Variants in SUGCT observed in about 807,000 individuals in gnomAD.
SUGCT encodes the protein succinyl-CoA:glutarate CoA-transferase.
In SUGCT, 41 loss-of-function variants were observed where a neutral mutation model predicts 55.0. That is an observed-to-expected ratio of 0.74 (90% CI 0.58 to 0.97). The LOEUF is 0.97. Among genes scored for constraint, SUGCT ranks in the 50% least tolerant of loss-of-function variants. The pLI is 0.00. For synonymous variants in SUGCT, 187 were observed against 200.4 expected (o/e 0.93, Z 0.56); for missense variants, 568 against 547.8 (o/e 1.04, Z -0.37).
chr7:40,881,547 A>C, the SUGCT span, among the ~76,000 whole-genome samples: 1 of 152,148 alleles, frequency 6.6e-6, no homozygotes, highest in Non-Finnish European at 1.5e-5. Flanking sequence ...TGCTCCTTTT[A>C]TTGTTTTGGC....
the SUGCT span, among the ~76,000 whole-genome samples, chr7:41,027,483 C>T: frequency 2.4e-3 from 369 of 152,272 alleles, no homozygotes; most frequent in African/African-American, 8.7e-3. Context: ...GGGGAATTTC[C>T]CTTTCAAAAG....
At chr7:40,617,768 T>G (rs1799078960) in intron 12 of SUGCT, among the ~76,000 whole-genome samples, 1 of 152,136 alleles carries the variant, frequency 6.6e-6, no homozygotes, top group Non-Finnish European at 1.5e-5. Flanking sequence ...TGACTATAAT[T>G]TTTTCTCAAA....
At chr7:40,442,415 A>T (rs1488718836) in intron 9 of SUGCT, among the ~76,000 whole-genome samples, 1 of 152,180 alleles carries the variant, frequency 6.6e-6, no homozygotes, top group Non-Finnish European at 1.5e-5. Flanking sequence ...AAAAACACAT[A>T]CAAAGAAACT....
chr7:40,624,669 G>T (rs1164466142), intron 12 of SUGCT, among the ~76,000 whole-genome samples: 1 of 151,912 alleles, frequency 6.6e-6, no homozygotes, highest in African/African-American at 2.4e-5. Flanking sequence ...CTCCTATCAC[G>T]AGTAGAACTG....
chr7:40,679,667 A>C (rs1784154705), intron 12 of SUGCT, among the ~76,000 whole-genome samples: 1 of 152,206 alleles, frequency 6.6e-6, no homozygotes, highest in Admixed American at 6.5e-5. Context: ...TTGATAAAAT[A>C]GTGATATTCC....
chr7:40,321,062 T>TTTTC (rs1554310401), intron 9 of SUGCT, among the ~76,000 whole-genome samples: 6 of 148,082 alleles, frequency 4.1e-5, no homozygotes, highest in East Asian at 1.9e-4. Flanking sequence ...TTCTTTTCTT[T>TTTTC]TTTCTTTCTT....
intron 12 of SUGCT, among the ~76,000 whole-genome samples, chr7:40,704,529 G>T (rs1438491900): frequency 6.6e-6 from 1 of 152,072 alleles, no homozygotes; most frequent in Non-Finnish European, 1.5e-5. Flanking sequence ...AGCATAACAT[G>T]GATTATCAGC....
intron 13 of SUGCT, among the ~76,000 whole-genome samples, chr7:40,812,476 T>C (rs1791473806): frequency 6.6e-6 from 1 of 152,138 alleles, no homozygotes; most frequent in Non-Finnish European, 1.5e-5. Flanking sequence ...CAGAAATTTA[T>C]TCATTTTCTC....
chr7:40,459,198 G>T lies in SUGCT; in HGVS notation c.986G>T (p.Arg329Leu). The T allele has an allele frequency of 1.3e-6, 2 of 1,567,382 alleles. No homozygotes were observed. Reference protein sequence around the residue: ...RKELIKILSERFEEELTSKWL... With the variant: ...RKELIKILSELFEEELTSKWL... ...GAGCTTATTAAAATATTATCTGAAC[G>T]GTAAGTTTGGATGTTGTATTCATCC... The change falls in exon 11 of 14, where the codon CGG (arginine) becomes CTG (leucine). Residue 329 changes from arginine to leucine, a missense_variant and splice_region_variant. Physicochemically the swap from Arg to Leu is moderately radical, Grantham distance 102 (BLOSUM62 -2). Transcript: ENST00000335693.
intron 6 of SUGCT, among the ~76,000 whole-genome samples, chr7:40,216,077 A>G (rs555918574): frequency 1.3e-5 from 2 of 151,212 alleles, no homozygotes; most frequent in African/African-American, 2.4e-5. Context: ...ATGAAATGCA[A>G]TTTACTTACA....
intron 13 of SUGCT, among the ~76,000 whole-genome samples, chr7:40,770,478 C>T (rs543315654): frequency 8.9e-4 from 135 of 152,156 alleles, no homozygotes; most frequent in Middle Eastern, 6.8e-3. Context: ...ATCTATGTTC[C>T]AGACAGAGGG....
chr7:40,930,119 A>G, the SUGCT span, among the ~76,000 whole-genome samples: 1 of 152,220 alleles, frequency 6.6e-6, no homozygotes, highest in Non-Finnish European at 1.5e-5. Context: ...GAAGGGTACC[A>G]GTTTCAGCTT....
intron 9 of SUGCT, among the ~76,000 whole-genome samples, chr7:40,372,398 GCTCT>G (rs1266614368): frequency 6.6e-6 from 1 of 151,972 alleles, no homozygotes; most frequent in Non-Finnish European, 1.5e-5. Context: ...TGAATGGTTT[GCTCT>G]CTTTTATTTT....
chr7:40,866,543 C>A, the SUGCT span, among the ~76,000 whole-genome samples: 12 of 150,764 alleles, frequency 8.0e-5, no homozygotes, highest in Non-Finnish European at 1.5e-4. Context: ...GGCATTGACA[C>A]AGGCCACAGG....
chr7:41,037,747 T>G, the SUGCT span, among the ~76,000 whole-genome samples: 1 of 151,958 alleles, frequency 6.6e-6, no homozygotes, highest in Non-Finnish European at 1.5e-5. Context: ...GCACTTTTTT[T>G]TTTTTTTTGG....
chr7:41,005,806 C>T, the SUGCT span, among the ~76,000 whole-genome samples: 1 of 152,264 alleles, frequency 6.6e-6, no homozygotes, highest in African/African-American at 2.4e-5. Context: ...TTCCCTCACC[C>T]CCAATACTGA....
At chr7:40,319,197 A>G (rs897952728) in intron 9 of SUGCT, among the ~76,000 whole-genome samples, 7 of 152,194 alleles carry the variant, frequency 4.6e-5, no homozygotes, top group Admixed American at 4.6e-4. Flanking sequence ...ATCTATAAGA[A>G]ATAAGAAATC....
intron 1 of SUGCT, among the ~76,000 whole-genome samples, chr7:40,145,762 G>C (rs1031066400): frequency 6.6e-6 from 1 of 152,184 alleles, no homozygotes; most frequent in African/African-American, 2.4e-5. Context: ...GATTCTGTAA[G>C]TACTTCAAGG....
chr7:40,747,123 G>A (rs575249542), intron 12 of SUGCT, among the ~76,000 whole-genome samples: 2 of 152,242 alleles, frequency 1.3e-5, no homozygotes, highest in South Asian at 2.1e-4. Flanking sequence ...TAACACTGGC[G>A]AGAATTTTAT....
Sources: gnomAD v4.1 joint callset for allele counts (sites outside exome capture counted in the v4.1 genomes callset) on GRCh38, gnomAD v4.1.1 for gene constraint, MANE v1.5 for transcripts, NCBI Gene and HGNC (gene_info 2026-07-23, HGNC 2026-07-21) for gene names.